PPARGC1A: variants seen among roughly 807,000 people sequenced by gnomAD.
PPARGC1A encodes PPARG coactivator 1 alpha.
In PPARGC1A, 25 loss-of-function variants were observed where a neutral mutation model predicts 88.7. That is an observed-to-expected ratio of 0.28 (90% CI 0.21 to 0.39). The LOEUF (loss-of-function observed/expected upper bound fraction) is 0.39, where lower values mean the gene tolerates loss of function less well. Among genes scored for constraint, PPARGC1A ranks in the 10% least tolerant of loss-of-function variants. The probability of loss-of-function intolerance (pLI) is 1.00; values close to 1 mark genes in which losing one functional copy is unlikely to be tolerated. For missense variants in PPARGC1A, 880 were observed against 968.7 expected (o/e 0.91, Z 1.22); for synonymous variants, 363 against 355.6 (o/e 1.02, Z -0.24).
At chr4:24,130,930 G>A in the PPARGC1A span, among the ~76,000 whole-genome samples, 79,648 of 151,868 alleles carry the variant, frequency 0.52, 21,161 homozygotes, top group Non-Finnish European at 0.54. Context: ...TCATCCTAGA[G>A]TGCTCTCACC....
the PPARGC1A span, among the ~76,000 whole-genome samples, chr4:24,143,540 G>A: frequency 2.0e-5 from 3 of 152,118 alleles, no homozygotes; most frequent in South Asian, 2.1e-4. Context: ...AAAAGTATAC[G>A]ACGATATGAA....
chr4:24,250,133 G>A, the PPARGC1A span, among the ~76,000 whole-genome samples: 1 of 152,192 alleles, frequency 6.6e-6, no homozygotes, highest in Non-Finnish European at 1.5e-5. Context: ...AGGACCAGGT[G>A]TAACATGGGC....
chr4:24,312,916 T>C, the PPARGC1A span, among the ~76,000 whole-genome samples: 1 of 151,700 alleles, frequency 6.6e-6, no homozygotes, highest in Non-Finnish European at 1.5e-5. Flanking sequence ...TTAAAACAGT[T>C]ACCATAAAGA....
At chr4:23,983,699 G>C in the PPARGC1A span, among the ~76,000 whole-genome samples, 1 of 152,126 alleles carries the variant, frequency 6.6e-6, no homozygotes, top group South Asian at 2.1e-4. Context: ...GAGGAAGAGA[G>C]GTAGGTAGGA....
chr4:23,926,388 A>G, the PPARGC1A span, among the ~76,000 whole-genome samples: 1 of 152,142 alleles, frequency 6.6e-6, no homozygotes, highest in Non-Finnish European at 1.5e-5. Flanking sequence ...ATCCCCTTCA[A>G]TCTTAATCAT....
At chr4:24,152,449 C>T in the PPARGC1A span, among the ~76,000 whole-genome samples, 1 of 151,914 alleles carries the variant, frequency 6.6e-6, no homozygotes, top group African/African-American at 2.4e-5. Flanking sequence ...CAAAGTATAC[C>T]CCCATATAAA....
the PPARGC1A span, among the ~76,000 whole-genome samples, chr4:24,413,851 G>T: frequency 6.6e-6 from 1 of 152,200 alleles, no homozygotes; most frequent in Non-Finnish European, 1.5e-5. Context: ...GTCACTGAAT[G>T]CTTGCGATAT....
intron 2 of PPARGC1A, among the ~76,000 whole-genome samples, chr4:23,880,182 G>A (rs751928393): frequency 3.3e-5 from 5 of 151,936 alleles, no homozygotes; most frequent in African/African-American, 9.7e-5. Context: ...TATTGTTTTC[G>A]AATTGCTAAG....
the PPARGC1A span, among the ~76,000 whole-genome samples, chr4:24,226,960 A>G: frequency 2.0e-5 from 3 of 152,378 alleles, no homozygotes; most frequent in African/African-American, 7.2e-5. Flanking sequence ...TCTTTAGTCA[A>G]AAGAGAAAAC....
intron 2 of PPARGC1A, among the ~76,000 whole-genome samples, chr4:23,847,956 G>A (rs1242124442): frequency 1.3e-5 from 2 of 152,142 alleles, no homozygotes; most frequent in Admixed American, 1.3e-4. Flanking sequence ...AATGGGAAGA[G>A]AAATAGCTAA....
the PPARGC1A span, among the ~76,000 whole-genome samples, chr4:24,147,680 T>G: frequency 3.0e-4 from 45 of 152,248 alleles, no homozygotes; most frequent in African/African-American, 1.1e-3. Flanking sequence ...AACCATCATC[T>G]CTGTGAGTCC....
At chr4:24,294,181 C>A in the PPARGC1A span, among the ~76,000 whole-genome samples, 1 of 152,090 alleles carries the variant, frequency 6.6e-6, no homozygotes, top group Non-Finnish European at 1.5e-5. Flanking sequence ...GGGCCCGTTG[C>A]CCAGGATGGA....
the PPARGC1A span, among the ~76,000 whole-genome samples, chr4:24,319,695 A>C: frequency 1.3e-5 from 2 of 152,258 alleles, no homozygotes; most frequent in African/African-American, 4.8e-5. Context: ...TGTTCATACA[A>C]CTAACGGTTC....
the PPARGC1A span, among the ~76,000 whole-genome samples, chr4:23,992,355 T>C: frequency 1.6e-5 from 2 of 126,094 alleles, no homozygotes; most frequent in African/African-American, 3.1e-5. Context: ...TACTATTCTA[T>C]ACTATTATTA....
At chr4:23,905,665 C>G (rs1560545643), upstream of PPARGC1A, among the ~76,000 whole-genome samples, 1 of 152,170 alleles carries the variant, frequency 6.6e-6, no homozygotes, top group East Asian at 1.9e-4. Flanking sequence ...TGTAGATTAT[C>G]TCATTTAATC....
chr4:24,213,082 C>A, the PPARGC1A span, among the ~76,000 whole-genome samples: 7 of 151,916 alleles, frequency 4.6e-5, no homozygotes, highest in Admixed American at 2.0e-4. Flanking sequence ...TCATGTCATG[C>A]TTCTAATCTA....
intron 2 of PPARGC1A, among the ~76,000 whole-genome samples, chr4:23,877,507 C>A (rs112396442): frequency 0.073 from 9,929 of 136,288 alleles, 378 homozygotes; most frequent in African/African-American, 0.089. Context: ...CATTGCACTC[C>A]AGCCTGGGCG....
chr4:23,834,328 C>T (rs1171622942), intron 2 of PPARGC1A, among the ~76,000 whole-genome samples: 1 of 151,258 alleles, frequency 6.6e-6, no homozygotes, highest in Non-Finnish European at 1.5e-5. Flanking sequence ...TACACACACA[C>T]ATATATATAA....
intron 10 of PPARGC1A, among the ~76,000 whole-genome samples, chr4:23,804,088 A>G (rs1313439585): frequency 6.6e-6 from 1 of 152,150 alleles, no homozygotes; most frequent in South Asian, 2.1e-4. Flanking sequence ...TAGGAAAGTA[A>G]GTTCATCTGA....
Sources: gnomAD v4.1 joint callset for allele counts (sites outside exome capture counted in the v4.1 genomes callset) on GRCh38, gnomAD v4.1.1 for gene constraint, MANE v1.5 for transcripts, NCBI Gene and HGNC (gene_info 2026-07-23, HGNC 2026-07-21) for gene names.